The following SGK1 variants were observed in gnomAD, a reference collection of about 807,000 sequenced individuals.
SGK1 encodes the protein serine/threonine-protein kinase Sgk1.
A neutral mutation model predicts 64.2 loss-of-function variants in SGK1; 26 were observed. That is an observed-to-expected ratio of 0.40 (90% CI 0.30 to 0.56). SGK1 has a LOEUF of 0.56. SGK1 is among the 20% of genes least tolerant of loss of function. The pLI, the probability that SGK1 is intolerant of heterozygous loss-of-function variation, is 0.38. For missense variants in SGK1, 519 were observed against 645.6 expected (o/e 0.80, Z 2.12); for synonymous variants, 265 against 239.7 (o/e 1.11, Z -0.98).
At chr6:134,291,055 T>C (rs1015229190) in intron 1 of SGK1, among the ~76,000 whole-genome samples, 29 of 152,062 alleles carry the variant, frequency 1.9e-4, no homozygotes, top group Non-Finnish European at 1.5e-5. Flanking sequence ...CATTAAGGGT[T>C]TGCAATGAAT....
intron 3 of SGK1, chr6:134,174,942 C>CCGCCCTTCGCCT: frequency 6.9e-7 from 1 of 1,458,086 alleles, no homozygotes; most frequent in Non-Finnish European, 9.1e-7. Flanking sequence ...AGAAGTGGCC[C>CCGCCCTTCGCCT]CGCCCTTCGC....
At chr6:134,313,664 A>C (rs572854685) in intron 1 of SGK1, among the ~76,000 whole-genome samples, 1 of 152,032 alleles carries the variant, frequency 6.6e-6, no homozygotes, top group Non-Finnish European at 1.5e-5. Flanking sequence ...TCTTTGAAAG[A>C]GGGAAGTCAG....
intron 3 of SGK1, chr6:134,175,677 G>A (rs779214248): frequency 2.0e-6 from 3 of 1,484,546 alleles, no homozygotes; most frequent in Non-Finnish European, 2.7e-6. Context: ...GCGGGCGGCG[G>A]GGCGCGCGGC....
intron 3 of SGK1, among the ~76,000 whole-genome samples, chr6:134,184,730 C>A (rs1233046986): frequency 1.3e-5 from 2 of 152,118 alleles, no homozygotes; most frequent in East Asian, 3.9e-4. Context: ...GTCCCGCAGT[C>A]TGGAGTGCAG....
At position 134,271,577 on chromosome 6, in the gene SGK1, C is replaced by G. The variant is rs557647360; in HGVS notation, c.70-9429G>C. 2.6e-4 allele frequency among the ~76,000 whole-genome samples: 39 copies of G among 147,638 alleles called. 1 individual carries two copies. The highest frequency in any genetic ancestry group is 9.2e-4 in the African/African-American group (38 of 41,174). On this transcript the variant is annotated intron_variant, in intron 1 of 13. Transcript: ENST00000367858. Reference sequence around the variant, plus strand: ...AGCTTTGGAAACAACTTCCTCCCCTCTTTCCTCCAAGAAATCCCCTTTTCC... The same window carrying G: ...AGCTTTGGAAACAACTTCCTCCCCTGTTTCCTCCAAGAAATCCCCTTTTCC...
chr6:134,245,441 A>G (rs1025347665), intron 2 of SGK1, among the ~76,000 whole-genome samples: 2 of 152,252 alleles, frequency 1.3e-5, no homozygotes, highest in African/African-American at 4.8e-5. Context: ...TTTTGTCAAC[A>G]ATAGATATTC....
chr6:134,255,931 T>C lies in SGK1; in HGVS notation c.285+6002A>G, dbSNP rs6928326. 5.1e-3 allele frequency among the ~76,000 whole-genome samples: 773 copies of C among 152,236 alleles called. 2 individuals carry two copies. Among genetic ancestry groups the C allele is most frequent in the African/African-American group, 0.017 (715 of 41,528 alleles). ...ATTACTAGGAAGTATGAGAAAAATG[T>C]CCCTCTCTGACAGAATTTGCCCATT... is the stretch of plus-strand genomic sequence containing the variant. On this transcript the variant is annotated intron_variant, in intron 2 of 13. Transcript: ENST00000367858.
chr6:134,204,938 T>C (rs1416363549), intron 3 of SGK1, among the ~76,000 whole-genome samples: 1 of 151,612 alleles, frequency 6.6e-6, no homozygotes, highest in Non-Finnish European at 1.5e-5. Flanking sequence ...CTTCCTTCCT[T>C]CCCTCCCTCC....
chr6:134,265,631 T>TATAC (rs56933031), intron 1 of SGK1, among the ~76,000 whole-genome samples: 21,759 of 144,500 alleles, frequency 0.15, 2,037 homozygotes, highest in East Asian at 0.24. Flanking sequence ...TATATATATA[T>TATAC]ACATATATAT....
chr6:134,298,809 T>G, intron 1 of SGK1: 1 of 296,988 alleles, frequency 3.4e-6, no homozygotes, highest in Non-Finnish European at 6.0e-6. Flanking sequence ...ATTTATTTAT[T>G]TATTTATTTG....
At chr6:134,292,359 G>A (rs568492672) in intron 1 of SGK1, among the ~76,000 whole-genome samples, 2 of 152,044 alleles carry the variant, frequency 1.3e-5, no homozygotes, top group Non-Finnish European at 2.9e-5. Flanking sequence ...CTGGGAGGCC[G>A]AGGCGGGTGG....
intron 2 of SGK1, among the ~76,000 whole-genome samples, chr6:134,241,778 AC>A (rs1776451826): frequency 6.6e-6 from 1 of 151,462 alleles, no homozygotes; most frequent in South Asian, 2.1e-4. Context: ...CCGCCACCAC[AC>A]CCGGCTAATT....
At position 134,317,381 on chromosome 6, in the gene SGK1, C is replaced by T; in HGVS notation, c.69+11G>A. The T allele has an allele frequency of 2.6e-6, 4 of 1,551,972 alleles. No individual in the cohort carries two copies. The highest frequency in any genetic ancestry group is 3.6e-6 in the Non-Finnish European group (4 of 1,123,262). On this transcript the variant is annotated intron_variant, in intron 1 of 13. Coordinates refer to ENST00000367858, the MANE Select transcript of SGK1 (RefSeq NM_001143676.3). Reference sequence around the variant, plus strand: ...CAGAAAACAAAAGAAATAAGCAAAACCTGTCCTTACCCGCTTCTTAAAAAA... The same window carrying T: ...CAGAAAACAAAAGAAATAAGCAAAATCTGTCCTTACCCGCTTCTTAAAAAA...
chr6:134,187,261 C>G (rs1242291306), intron 3 of SGK1, among the ~76,000 whole-genome samples: 1 of 152,178 alleles, frequency 6.6e-6, no homozygotes, highest in Admixed American at 6.6e-5. Context: ...GGGTGGTAGT[C>G]TTAACTTCCA....
chr6:134,191,673 G>T lies in SGK1; in HGVS notation c.361+15683C>A, dbSNP rs1371574449. ...TTTGGTGTTTTGTTTTTTTGTTTTTGTTTTTTTTTTTTTGAGACGAAGTCT... is the reference window on the plus strand; with the variant it reads ...TTTGGTGTTTTGTTTTTTTGTTTTTTTTTTTTTTTTTTTGAGACGAAGTCT... On this transcript the variant is annotated intron_variant, in intron 3 of 13. Transcript: ENST00000367858. Among the ~76,000 whole-genome samples the T allele has an allele frequency of 2.6e-4, 37 of 141,052 alleles. No individual in the cohort carries two copies. In the East Asian group the frequency reaches 2.7e-3, roughly 10 times the overall value. The allele number at this position is 141,052 out of a possible 152,430, so 92.5% of individuals were successfully genotyped here.
chr6:134,237,058 C>CTT (rs56379518), intron 2 of SGK1, among the ~76,000 whole-genome samples: 65,578 of 138,268 alleles, frequency 0.47, 18,948 homozygotes, highest in South Asian at 0.77. Context: ...TTTTCTTTTT[C>CTT]TTTTTTTTTT....
At chr6:134,222,105 A>G (rs1176626881) in intron 2 of SGK1, among the ~76,000 whole-genome samples, 1 of 152,164 alleles carries the variant, frequency 6.6e-6, no homozygotes. Flanking sequence ...CTAGTGCTTT[A>G]ATCCTCCTGA....
chr6:134,175,959 C>T (rs1173594985), intron 3 of SGK1: 3 of 1,151,406 alleles, frequency 2.6e-6, no homozygotes, highest in African/African-American at 3.2e-5. Flanking sequence ...AAATAAAAGT[C>T]GTCTCTGCAC....
At chr6:134,213,557 C>T (rs750229372) in intron 2 of SGK1, among the ~76,000 whole-genome samples, 1 of 105,062 alleles carries the variant, frequency 9.5e-6, no homozygotes, top group Non-Finnish European at 1.9e-5. Context: ...AAAATGTCCT[C>T]ATGAAACACC....
Sources: allele counts gnomAD v4.1 joint callset (sites outside exome capture counted in the v4.1 genomes callset), GRCh38; gene constraint gnomAD v4.1.1; transcripts MANE v1.5; gene names NCBI Gene and HGNC (gene_info 2026-07-23, HGNC 2026-07-21).